The following MCOLN2 variants were observed in gnomAD, a reference collection of about 807,000 sequenced individuals.
The protein encoded by MCOLN2 is mucolipin TRP cation channel 2, also known as mucolipin-2.
In MCOLN2, 57 loss-of-function variants were observed where a neutral mutation model predicts 67.5. That is an observed-to-expected ratio of 0.84 (90% CI 0.68 to 1.05). MCOLN2 has a LOEUF of 1.05. MCOLN2 is among the 50% of genes least tolerant of loss of function. MCOLN2 has a pLI of 0.00. For missense variants in MCOLN2, 620 were observed against 678.8 expected, an observed-to-expected ratio of 0.91 and a Z score of 0.96; for synonymous variants, 246 against 233.3, an observed-to-expected ratio of 1.05 and a Z score of -0.50.
intron 7 of MCOLN2, among the ~76,000 whole-genome samples, chr1:84,946,330 C>T (rs747287373): frequency 6.6e-6 from 1 of 152,176 alleles, no homozygotes; most frequent in Non-Finnish European, 1.5e-5. Context: ...GTCAGTCTCT[C>T]TCACTAAGGC....
At chr1:84,973,986 T>TGGGA (rs1219866305) in intron 1 of MCOLN2, among the ~76,000 whole-genome samples, 1 of 151,914 alleles carries the variant, frequency 6.6e-6, no homozygotes, top group Non-Finnish European at 1.5e-5. Context: ...CTGCATGCTG[T>TGGGA]GGGAGGGAGA....
intron 2 of MCOLN2, among the ~76,000 whole-genome samples, chr1:84,962,704 A>G (rs1019081434): frequency 1.3e-5 from 2 of 152,184 alleles, no homozygotes; most frequent in African/African-American, 4.8e-5. Flanking sequence ...GGACGAACAA[A>G]CAAGATGTGG....
chr1:84,945,581 T>G (rs1197609094), intron 7 of MCOLN2, among the ~76,000 whole-genome samples: 1 of 152,168 alleles, frequency 6.6e-6, no homozygotes, highest in African/African-American at 2.4e-5. Context: ...TATTTTACAT[T>G]TTATTTCATT....
At position 84,926,549 on chromosome 1, in the gene MCOLN2, C is replaced by T. The variant is rs1380537091; in HGVS notation, c.*136G>A. On this transcript the variant is annotated 3_prime_UTR_variant, in exon 14 of 14. Coordinates refer to ENST00000370608, the MANE Select transcript of MCOLN2 (RefSeq NM_153259.4). ...TGGAACTTCAGTCATGGTCAGCTGGCTAACTGTGAGTCCTCTTTCCCACTC... is the reference window on the plus strand; with the variant it reads ...TGGAACTTCAGTCATGGTCAGCTGGTTAACTGTGAGTCCTCTTTCCCACTC... 1 of 515,882 alleles carries T rather than the reference C, an allele frequency of 1.9e-6. No individual in the cohort carries two copies. The highest frequency in any genetic ancestry group is 2.0e-5 in the African/African-American group (1 of 51,218). 32.0% of individuals were successfully genotyped at this position (515,882 alleles called of 1,614,324 possible). A position where few individuals can be genotyped will look rare whatever the true frequency, so the allele number is the denominator to read the frequency against.
rs78920786 is a variant in MCOLN2 at position 84,988,133 on chromosome 1, C to T, written c.77+8663G>A. On this transcript the variant is annotated intron_variant, in intron 1 of 13. Transcript: ENST00000370608. ...AATGCTTCAGTTGGAATCCTTAGTG[C>T]AATCAGTGGCCCAGCTGCAATCCTT... is the stretch of plus-strand genomic sequence containing the variant. 5.5e-4 allele frequency among the ~76,000 whole-genome samples: 83 copies of T among 152,258 alleles called. 2 individuals are homozygous for T. In the East Asian group the frequency reaches 0.012, roughly 23 times the overall value.
chr1:84,962,177 A>G (rs1157950155), intron 2 of MCOLN2, among the ~76,000 whole-genome samples: 3 of 152,220 alleles, frequency 2.0e-5, no homozygotes, highest in Non-Finnish European at 1.5e-5. Context: ...AATCCTTCCC[A>G]ATTTTATTAG....
intron 7 of MCOLN2, among the ~76,000 whole-genome samples, chr1:84,945,870 C>T (rs926914295): frequency 2.0e-5 from 3 of 152,114 alleles, no homozygotes; most frequent in African/African-American, 7.2e-5. Context: ...CCTCAGCCTC[C>T]CAAGTAGCTG....
chr1:84,956,304 T>G (rs1321527976), intron 4 of MCOLN2, 127 bp downstream of exon 4: 2 of 823,960 alleles, frequency 2.4e-6, no homozygotes, highest in Non-Finnish European at 3.9e-6. Context: ...AGTGTTGGAG[T>G]GTCAGCCCCT....
intron 1 of MCOLN2, among the ~76,000 whole-genome samples, chr1:84,965,936 C>T (rs1649357240): frequency 6.6e-6 from 1 of 152,120 alleles, no homozygotes; most frequent in Non-Finnish European, 1.5e-5. Flanking sequence ...TACCTTTCCA[C>T]ACAGCCACCC....
At chr1:84,928,453 C>T (rs1359109786) in intron 13 of MCOLN2, among the ~76,000 whole-genome samples, 1 of 152,142 alleles carries the variant, frequency 6.6e-6, no homozygotes, top group Non-Finnish European at 1.5e-5. Flanking sequence ...CATTTAACAA[C>T]CTCCCAGGAC....
At chr1:84,992,896 G>T (rs576951848) in intron 1 of MCOLN2, among the ~76,000 whole-genome samples, 1 of 152,302 alleles carries the variant, frequency 6.6e-6, no homozygotes, top group South Asian at 2.1e-4. Flanking sequence ...GGTGGTTGCT[G>T]AAGGCTGGGG....
chr1:84,936,166 T>G (rs983688171), intron 11 of MCOLN2, among the ~76,000 whole-genome samples: 1 of 152,110 alleles, frequency 6.6e-6, no homozygotes, highest in East Asian at 1.9e-4. Context: ...AGGGAAGGGT[T>G]AACACAGCAA....
chr1:84,932,468 C>T (rs1647227448), intron 11 of MCOLN2, among the ~76,000 whole-genome samples: 1 of 152,198 alleles, frequency 6.6e-6, no homozygotes, highest in African/African-American at 2.4e-5. Flanking sequence ...CCACCTCAGC[C>T]TCCCAAAGTG....
intron 1 of MCOLN2, among the ~76,000 whole-genome samples, 164 bp downstream of exon 1, chr1:84,996,632 T>C (rs1651172511): frequency 6.6e-6 from 1 of 151,932 alleles, no homozygotes; most frequent in Non-Finnish European, 1.5e-5. Context: ...GAAAGGCCTG[T>C]TTGTTCTGGA....
intron 1 of MCOLN2, among the ~76,000 whole-genome samples, chr1:84,979,307 A>G (rs1180421837): frequency 6.6e-6 from 1 of 152,216 alleles, no homozygotes; most frequent in East Asian, 1.9e-4. Flanking sequence ...AAGAGGAAAC[A>G]ATGCTTCCAA....
chr1:84,948,389 C>T (rs115403422), intron 6 of MCOLN2, among the ~76,000 whole-genome samples: 3 of 152,158 alleles, frequency 2.0e-5, no homozygotes, highest in Admixed American at 2.0e-4. Context: ...CTGCCCAGAA[C>T]CAAAGCCACT....
chr1:84,993,839 C>A (rs988662803), intron 1 of MCOLN2, among the ~76,000 whole-genome samples: 3 of 151,466 alleles, frequency 2.0e-5, no homozygotes, highest in African/African-American at 7.3e-5. Context: ...ACCTTGTTAG[C>A]CAGGATGGTC....
At chr1:84,931,866 A>G (rs1386090061) in intron 11 of MCOLN2, among the ~76,000 whole-genome samples, 1 of 152,052 alleles carries the variant, frequency 6.6e-6, no homozygotes, top group Non-Finnish European at 1.5e-5. Context: ...TCTCTACAAA[A>G]AGTACAAAAA....
chr1:84,980,676 C>T (rs1417181342), intron 1 of MCOLN2, among the ~76,000 whole-genome samples: 2 of 152,084 alleles, frequency 1.3e-5, no homozygotes, highest in African/African-American at 4.8e-5. Context: ...AAAATCAAAT[C>T]AAAATGGATT....
Sources: gnomAD v4.1 joint callset for allele counts (sites outside exome capture counted in the v4.1 genomes callset) on GRCh38, gnomAD v4.1.1 for gene constraint, MANE v1.5 for transcripts, NCBI Gene and HGNC (gene_info 2026-07-23, HGNC 2026-07-21) for gene names.